GRAMD4: variants seen among roughly 807,000 people sequenced by gnomAD.
GRAMD4 encodes the protein GRAM domain-containing protein 4.
GRAMD4 carries 25 observed loss-of-function variants against 83.9 expected under a neutral mutation model. The ratio of observed to expected loss-of-function variants is 0.30; its 90% CI spans 0.22 to 0.42. The LOEUF is 0.42. GRAMD4 is among the 10% of genes least tolerant of loss of function. The pLI is 1.00. For synonymous variants in GRAMD4, 336 were observed against 320.9 expected (o/e 1.05, Z -0.50); for missense variants, 593 against 788.7 (o/e 0.75, Z 2.97).
intron 1 of GRAMD4, among the ~76,000 whole-genome samples, chr22:46,593,660 A>G (rs1447105166): frequency 6.6e-6 from 1 of 152,082 alleles, no homozygotes; most frequent in Non-Finnish European, 1.5e-5. Flanking sequence ...GGGATGCGTC[A>G]TTGGCCTGGG....
chr22:46,669,607 G>A (rs566386865), intron 13 of GRAMD4, among the ~76,000 whole-genome samples: 67 of 147,104 alleles, frequency 4.6e-4, no homozygotes, highest in Middle Eastern at 3.5e-3. Flanking sequence ...ACGGAGTGTC[G>A]CTCTGTCGCC....
rs1021609957 is a variant in GRAMD4, at chr22:46,679,510, A to G, written c.*2259A>G. The G allele has an allele frequency of 1.0e-6, 1 of 985,576 alleles. No homozygotes were observed. Among genetic ancestry groups the G allele is most frequent in the Non-Finnish European group, 1.2e-6 (1 of 829,876 alleles). 61.1% of individuals were successfully genotyped at this position (985,576 alleles called of 1,614,324 possible). Reference sequence around the variant, plus strand: ...GTGGAGAGAAGCTGTAGTTTTTACCAAATTGTGTACATCTGGGCAGATGTT... The same window carrying G: ...GTGGAGAGAAGCTGTAGTTTTTACCGAATTGTGTACATCTGGGCAGATGTT... On this transcript the variant is annotated 3_prime_UTR_variant, in exon 19 of 19. Transcript: ENST00000406902.
rs1040178620 is a variant in GRAMD4 at position 46,642,973 on chromosome 22, A to T, written c.283+5013A>T. Among the ~76,000 whole-genome samples, 93 of 151,374 alleles carry T rather than the reference A, an allele frequency of 6.1e-4. 2 individuals are homozygous for T. In the East Asian group the frequency reaches 0.017, roughly 28 times the overall value. ...CATCCACGCATGCATCTATCCATCC[A>T]TCCATCCATCCATCCATCCATTCAT... is the stretch of plus-strand genomic sequence containing the variant. On this transcript the variant is annotated intron_variant, in intron 3 of 18. Transcript: ENST00000406902.
Position 46,599,799 on chromosome 22 carries a change from A to G in GRAMD4, c.-50+22509A>G, listed in dbSNP as rs12159044. Among the ~76,000 whole-genome samples the G allele has an allele frequency of 9.9e-3, 1,510 of 152,314 alleles. 29 individuals carry two copies. The highest frequency in any genetic ancestry group is 0.034 in the African/African-American group (1,423 of 41,584). On this transcript the variant is annotated intron_variant, in intron 1 of 1. Transcript: ENST00000431155. ...TCGAACATGATGGCCCCACATGCCT[A>G]CGAGTTCCATGGTCGCCGTCGCTGG...
rs1038712065 is a variant in GRAMD4, at chr22:46,621,459, C to T, written c.-50+894C>T. 2.6e-5 allele frequency among the ~76,000 whole-genome samples: 4 copies of T among 152,146 alleles called. No homozygotes were observed. Among genetic ancestry groups the T allele is most frequent in the Non-Finnish European group, 5.9e-5 (4 of 68,008 alleles). ...GTGGCCGTGGAGGGCACCCCTACCC[C>T]GGTGCAGGCGCAGGCTGGAGGCGTA... On this transcript the variant is annotated intron_variant, in intron 1 of 18. Coordinates refer to ENST00000406902, the MANE Select transcript of GRAMD4 (RefSeq NM_015124.5). This position sits in a 1 kb window ranked among gnomAD's most constrained non-coding sequence, Gnocchi z 5.8.
chr22:46,602,669 A>G (rs371354332), intron 1 of GRAMD4, among the ~76,000 whole-genome samples: 1 of 152,026 alleles, frequency 6.6e-6, no homozygotes, highest in African/African-American at 2.4e-5. Flanking sequence ...CTCAAAAAAA[A>G]AATTGTATTT....
In GRAMD4 at chr22:46,622,361, C is replaced by T. The variant is rs1342292556; in HGVS notation, c.-50+1796C>T. On this transcript the variant is annotated intron_variant, in intron 1 of 18. Coordinates refer to ENST00000406902, the MANE Select transcript of GRAMD4 (RefSeq NM_015124.5). This position sits in a 1 kb window ranked among gnomAD's most constrained non-coding sequence, Gnocchi z 4.0. Reference sequence around the variant, plus strand: ...CCCGGGTCATCCCCTCCGCTTCCCTCTCAGCTGCCGCAACCAGGAGGACTC... The same window carrying T: ...CCCGGGTCATCCCCTCCGCTTCCCTTTCAGCTGCCGCAACCAGGAGGACTC... 2.0e-5 allele frequency among the ~76,000 whole-genome samples: 3 copies of T among 152,200 alleles called. No individual in the cohort carries two copies. Among genetic ancestry groups the T allele is most frequent in the African/African-American group, 7.2e-5 (3 of 41,450 alleles).
At position 46,620,768 on chromosome 22, in the gene GRAMD4, C is replaced by CG. The variant is rs34835137; in HGVS notation, c.-50+207dup. ...CCACCGGTAAAGCACCTGCGCAGCC[C>CG]GGGGCCAGGGGTCCAGTGAGGAAGG... On this transcript the variant is annotated intron_variant, in intron 1 of 18. Transcript: ENST00000406902. The surrounding 1 kb of genome is among the most constrained non-coding windows in gnomAD (Gnocchi z 4.7). Among the ~76,000 whole-genome samples, 1 of 152,010 alleles carries CG rather than the reference C, an allele frequency of 6.6e-6. No individual in the cohort carries two copies.
At chr22:46,626,386 C>T (rs1245581081) in intron 1 of GRAMD4, among the ~76,000 whole-genome samples, 1 of 152,210 alleles carries the variant, frequency 6.6e-6, no homozygotes, top group South Asian at 2.1e-4. Flanking sequence ...CTCGCCGAGC[C>T]AGGCTGAGAA....
rs2082125177 is a variant in GRAMD4 at position 46,648,951 on chromosome 22, G to GATGGATGGATGC, written c.284-9225_284-9224insCATGGATGGATG. Among the ~76,000 whole-genome samples the GATGGATGGATGC allele has an allele frequency of 4.6e-5, 4 of 86,806 alleles. 1 individual carries two copies. Among genetic ancestry groups the GATGGATGGATGC allele is most frequent in the Non-Finnish European group, 2.8e-5 (1 of 35,782 alleles). The allele number at this position is 86,806 out of a possible 152,430, so 56.9% of individuals were successfully genotyped here. ...GGATGGATGCATGGATGGATGGATG[G>GATGGATGGATGC]ATGGATGGATGGATGGATGGATGGA... On this transcript the variant is annotated intron_variant, in intron 3 of 18. Coordinates refer to ENST00000406902, the MANE Select transcript of GRAMD4 (RefSeq NM_015124.5).
intron 1 of GRAMD4, among the ~76,000 whole-genome samples, chr22:46,608,940 G>A (rs536729458): frequency 8.5e-5 from 13 of 152,206 alleles, no homozygotes; most frequent in African/African-American, 2.2e-4. Context: ...GCAGTGGCAC[G>A]TGCCTGTAGT....
intron 1 of GRAMD4, among the ~76,000 whole-genome samples, chr22:46,598,911 C>G (rs776613192): frequency 6.6e-6 from 1 of 152,080 alleles, no homozygotes; most frequent in Non-Finnish European, 1.5e-5. Context: ...GAGGGTAACA[C>G]AGGAGACAGG....
At chr22:46,628,082 C>T (rs934412030) in intron 2 of GRAMD4, among the ~76,000 whole-genome samples, 1 of 152,172 alleles carries the variant, frequency 6.6e-6, no homozygotes, top group Admixed American at 6.5e-5. Flanking sequence ...GCATGGGTCA[C>T]GATTCTCCGA....
intron 3 of GRAMD4, among the ~76,000 whole-genome samples, chr22:46,648,424 AATGGGTGG>A (rs2082103487): frequency 1.1e-5 from 1 of 94,050 alleles, no homozygotes; most frequent in African/African-American, 4.2e-5. Flanking sequence ...TGGATGGGTG[AATGGGTGG>A]ATGGATGGAT....
intron 2 of GRAMD4, among the ~76,000 whole-genome samples, chr22:46,634,651 T>C (rs564235463): frequency 6.6e-6 from 1 of 152,244 alleles, no homozygotes; most frequent in Admixed American, 6.5e-5. Context: ...TTAAAAATAT[T>C]CATAATAGGC....
At chr22:46,618,263 G>A (rs1601570938), upstream of GRAMD4, among the ~76,000 whole-genome samples, 1 of 152,154 alleles carries the variant, frequency 6.6e-6, no homozygotes, top group East Asian at 1.9e-4. The surrounding 1 kb of genome is among the most constrained non-coding windows in gnomAD (Gnocchi z 5.8). Context: ...GCCAGACACA[G>A]CCCCTGCCCC....
chr22:46,666,632 G>A (rs2082412933), intron 9 of GRAMD4, among the ~76,000 whole-genome samples, 193 bp from the exon 10 acceptor site: 1 of 152,164 alleles, frequency 6.6e-6, no homozygotes, highest in African/African-American at 2.4e-5. Flanking sequence ...AGGAGGGGCT[G>A]GTGAGGGTGA....
chr22:46,583,676 G>C (rs1025044872), intron 1 of GRAMD4, among the ~76,000 whole-genome samples: 1 of 152,250 alleles, frequency 6.6e-6, no homozygotes, highest in Non-Finnish European at 1.5e-5. Context: ...CTGGGGCCCT[G>C]GCTTAGCGGG....
intron 2 of GRAMD4, among the ~76,000 whole-genome samples, chr22:46,637,187 C>G (rs1345042633): frequency 6.6e-6 from 1 of 152,094 alleles, no homozygotes; most frequent in Admixed American, 6.5e-5. Context: ...CCAGGGTTTT[C>G]TTCCCTCTGC....
Sources: gnomAD v4.1 joint callset for allele counts (sites outside exome capture counted in the v4.1 genomes callset) on GRCh38, gnomAD v4.1.1 for gene constraint, Gnocchi (gnomAD v3.1) non-coding constraint, MANE v1.5 for transcripts, NCBI Gene and HGNC (gene_info 2026-07-23, HGNC 2026-07-21) for gene names.